NEGR1: variants seen among roughly 807,000 people sequenced by gnomAD.
NEGR1 encodes IgLON family member 4.
NEGR1 carries 10 observed loss-of-function variants against 40.9 expected under a neutral mutation model. The ratio of observed to expected loss-of-function variants is 0.24; its 90% confidence interval spans 0.15 to 0.42. NEGR1 has a LOEUF of 0.42. NEGR1 is among the 10% of genes least tolerant of loss of function. The pLI, the probability that NEGR1 is intolerant of heterozygous loss-of-function variation, is 1.00. For synonymous variants in NEGR1, 185 were observed against 166.8 expected (o/e 1.11, Z -0.84); for missense variants, 352 against 438.9 (o/e 0.80, Z 1.77).
intron 6 of NEGR1, among the ~76,000 whole-genome samples, chr1:71,545,874 G>A (rs1647879398): frequency 1.3e-5 from 2 of 151,652 alleles, no homozygotes; most frequent in Non-Finnish European, 3.0e-5. Context: ...CTAATTAGCT[G>A]TGTAATTTTG....
chr1:71,764,922 T>G (rs2101704629), intron 3 of NEGR1, among the ~76,000 whole-genome samples: 1 of 152,218 alleles, frequency 6.6e-6, no homozygotes, highest in South Asian at 2.1e-4. Context: ...GCAATCGGAT[T>G]GTGATGTGCG....
intron 1 of NEGR1, among the ~76,000 whole-genome samples, chr1:72,071,378 A>G (rs1647454967): frequency 1.3e-5 from 2 of 152,078 alleles, no homozygotes; most frequent in Non-Finnish European, 2.9e-5. Flanking sequence ...CCAGCCTATA[A>G]AATATTCAAT....
intron 2 of NEGR1, among the ~76,000 whole-genome samples, chr1:71,855,912 T>C (rs779407570): frequency 1.3e-5 from 2 of 152,052 alleles, no homozygotes; most frequent in East Asian, 1.9e-4. Flanking sequence ...GTGATTCTAG[T>C]AAGCATACAT....
At chr1:72,207,618 T>A (rs957488611) in intron 1 of NEGR1, among the ~76,000 whole-genome samples, 3 of 151,728 alleles carry the variant, frequency 2.0e-5, no homozygotes, top group African/African-American at 7.2e-5. Context: ...TTAACAAACA[T>A]TACAGATACA....
chr1:71,929,463 T>C (rs527763162), intron 2 of NEGR1, among the ~76,000 whole-genome samples: 22 of 152,310 alleles, frequency 1.4e-4, no homozygotes, highest in African/African-American at 5.1e-4. Context: ...GGTTCCCATG[T>C]ATAATCTTGA....
chr1:71,662,503 C>T (rs1356217382), intron 4 of NEGR1, among the ~76,000 whole-genome samples: 1 of 152,052 alleles, frequency 6.6e-6, no homozygotes, highest in Non-Finnish European at 1.5e-5. Context: ...TTGGTTCTAC[C>T]ATTTATTAAT....
intron 4 of NEGR1, among the ~76,000 whole-genome samples, chr1:71,688,325 T>TATATATATATAGATAG (rs1475341609): frequency 3.1e-4 from 32 of 103,208 alleles, no homozygotes; most frequent in Non-Finnish European, 4.2e-4. Flanking sequence ...TATATATATA[T>TATATATATATAGATAG]ATAGATAGAT....
At chr1:72,027,440 T>C (rs558803008) in intron 1 of NEGR1, among the ~76,000 whole-genome samples, 3 of 151,978 alleles carry the variant, frequency 2.0e-5, no homozygotes, top group African/African-American at 7.2e-5. Flanking sequence ...CTAGATTCCA[T>C]GTAAAATACA....
intron 2 of NEGR1, among the ~76,000 whole-genome samples, chr1:71,877,103 C>T (rs1341143151): frequency 6.8e-6 from 1 of 147,766 alleles, no homozygotes; most frequent in Non-Finnish European, 1.5e-5. Context: ...AGCAAAGGAT[C>T]AAAGAGCATT....
rs1216423921 is a variant in NEGR1, at chr1:72,004,247, G to T, written c.177-68936C>A. On this transcript the variant is annotated intron_variant, in intron 1 of 6. Transcript: ENST00000357731. ...ATATTTGTTAAACATACATGCATAG[G>T]TATTTATATATAGAGAGAAACAGTA... Among the ~76,000 whole-genome samples the T allele has an allele frequency of 3.3e-5, 5 of 151,928 alleles. No individual in the cohort carries two copies. The East Asian group carries it at 9.6e-4, about 29-fold the overall frequency.
chr1:72,262,380 TAATTGGAACAC>T (rs1053455819), intron 1 of NEGR1, among the ~76,000 whole-genome samples: 47 of 152,036 alleles, frequency 3.1e-4, no homozygotes, highest in African/African-American at 1.1e-3. Context: ...AAAAGAAATC[TAATTGGAACAC>T]AATGGGAGAA....
intron 1 of NEGR1, among the ~76,000 whole-genome samples, chr1:72,162,945 G>A (rs924286157): frequency 1.5e-4 from 23 of 152,220 alleles, no homozygotes; most frequent in East Asian, 3.9e-4. Context: ...ATACAGTTTC[G>A]TTATAAGGTA....
intron 1 of NEGR1, among the ~76,000 whole-genome samples, chr1:72,119,925 C>A (rs887124648): frequency 1.6e-4 from 25 of 151,926 alleles, no homozygotes; most frequent in Non-Finnish European, 3.2e-4. Context: ...CTGGAAGAGA[C>A]AAGCTTCCTT....
At chr1:71,628,204 G>T (rs17091536) in intron 4 of NEGR1, among the ~76,000 whole-genome samples, 2,356 of 152,044 alleles carry the variant, frequency 0.015, 55 homozygotes, top group African/African-American at 0.054. Context: ...AGATTAAAAT[G>T]GTTCCTGCCT....
intron 1 of NEGR1, among the ~76,000 whole-genome samples, chr1:72,275,442 G>C (rs553178372): frequency 7.9e-5 from 12 of 151,384 alleles, no homozygotes; most frequent in African/African-American, 2.9e-4. Flanking sequence ...ATTTCCTTTA[G>C]AAAAGCAAAA....
chr1:72,119,867 A>G (rs1649731101), intron 1 of NEGR1, among the ~76,000 whole-genome samples: 1 of 151,982 alleles, frequency 6.6e-6, no homozygotes, highest in Non-Finnish European at 1.5e-5. Flanking sequence ...GAATTTGTAG[A>G]CAATAGACAC....
At chr1:72,074,201 A>G (rs891726908) in intron 1 of NEGR1, among the ~76,000 whole-genome samples, 2 of 152,114 alleles carry the variant, frequency 1.3e-5, no homozygotes, top group Non-Finnish European at 2.9e-5. Context: ...CAAAACTGAT[A>G]GAGGAAAAAA....
chr1:71,862,778 A>G (rs761145262), intron 2 of NEGR1, among the ~76,000 whole-genome samples: 1 of 152,162 alleles, frequency 6.6e-6, no homozygotes, highest in Non-Finnish European at 1.5e-5. Flanking sequence ...ACCATTAAAA[A>G]GTGGGCAAAG....
intron 2 of NEGR1, among the ~76,000 whole-genome samples, chr1:71,821,515 A>G (rs1658428197): frequency 6.6e-6 from 1 of 152,136 alleles, no homozygotes. Flanking sequence ...TGACACACAC[A>G]AAAAAAGTTG....
Sources: allele counts gnomAD v4.1 joint callset (sites outside exome capture counted in the v4.1 genomes callset), GRCh38; gene constraint gnomAD v4.1.1; transcripts MANE v1.5; gene names NCBI Gene and HGNC (gene_info 2026-07-23, HGNC 2026-07-21).